Variants in FRAS1 observed in about 807,000 individuals in gnomAD.
FRAS1 encodes the protein Fraser extracellular matrix complex subunit 1, also known as extracellular matrix organizing protein FRAS1.
In FRAS1, 290 loss-of-function variants were observed where a neutral mutation model predicts 435.2. The ratio of observed to expected loss-of-function variants is 0.67; its 90% CI spans 0.61 to 0.73. The LOEUF (loss-of-function observed/expected upper bound fraction) is 0.73. FRAS1 is among the 30% of genes least tolerant of loss of function. The pLI is 0.00. For synonymous variants in FRAS1, 1,800 were observed against 1,851.0 expected, an observed-to-expected ratio of 0.97 and a Z score of 0.71; for missense variants, 4,860 against 5,001.5, an observed-to-expected ratio of 0.97 and a Z score of 0.85.
At position 78,415,128 on chromosome 4, in the gene FRAS1, A is replaced by G. The variant is rs568304614; in HGVS notation, c.4425+2043A>G. Among the ~76,000 whole-genome samples, 104 of 152,352 alleles carry G rather than the reference A, an allele frequency of 6.8e-4. 1 individual carries two copies. The Middle Eastern group carries it at 0.024, about 35-fold the overall frequency. ...CCTCTGAGTCCCCAAAGTCCATTGTATCATTCTTATGCCTTTGCATCCTCA... is the reference window on the plus strand; with the variant it reads ...CCTCTGAGTCCCCAAAGTCCATTGTGTCATTCTTATGCCTTTGCATCCTCA... On this transcript the variant is annotated intron_variant, in intron 32 of 73. Coordinates refer to ENST00000512123, the MANE Select transcript of FRAS1 (RefSeq NM_025074.7).
intron 2 of FRAS1, among the ~76,000 whole-genome samples, chr4:78,115,546 G>T (rs1385900544): frequency 2.0e-5 from 3 of 152,074 alleles, no homozygotes; most frequent in East Asian, 3.9e-4. Context: ...CTTCTTCCTG[G>T]TTTGGTCTTG....
At chr4:78,104,794 T>C (rs1742306300) in intron 2 of FRAS1, among the ~76,000 whole-genome samples, 3 of 152,308 alleles carry the variant, frequency 2.0e-5, no homozygotes, top group African/African-American at 7.2e-5. Context: ...ACTTAATAGA[T>C]ACTTAAGAGC....
At chr4:78,149,962 G>T (rs1324593258) in intron 2 of FRAS1, among the ~76,000 whole-genome samples, 1 of 152,218 alleles carries the variant, frequency 6.6e-6, no homozygotes, top group African/African-American at 2.4e-5. Flanking sequence ...CCAAGAGGCA[G>T]TGGAGCGTGG....
chr4:78,148,348 G>C lies in FRAS1; in HGVS notation c.108+82332G>C, dbSNP rs570665531. Among the ~76,000 whole-genome samples, 7 of 152,228 alleles carry C rather than the reference G, an allele frequency of 4.6e-5. No individual in the cohort carries two copies. The East Asian group carries it at 7.7e-4, about 17-fold the overall frequency. On this transcript the variant is annotated intron_variant, in intron 2 of 73. Coordinates refer to ENST00000512123, the MANE Select transcript of FRAS1 (RefSeq NM_025074.7). ...AGAAGTATTAACTATTGAAGCTTGA[G>C]AAAACAGCCAGTTCTCTGCTCAAAT...
chr4:78,131,521 T>C (rs777475580), intron 2 of FRAS1, among the ~76,000 whole-genome samples: 2 of 152,214 alleles, frequency 1.3e-5, no homozygotes, highest in Non-Finnish European at 2.9e-5. Flanking sequence ...GTGGGAGGAA[T>C]GACTATTGTG....
chr4:78,245,464 T>G, intron 4 of FRAS1, 139 bp downstream of exon 4: 1 of 635,560 alleles, frequency 1.6e-6, no homozygotes, highest in Admixed American at 2.6e-5. Context: ...TGACTTTCTG[T>G]GAGCATTTAG....
intron 9 of FRAS1, among the ~76,000 whole-genome samples, chr4:78,275,674 C>G (rs1291142591): frequency 1.3e-5 from 2 of 152,166 alleles, no homozygotes; most frequent in East Asian, 3.9e-4. Context: ...TAGTTTCTGC[C>G]AAGAGATCAG....
At chr4:78,141,259 T>C (rs1338489586) in intron 2 of FRAS1, among the ~76,000 whole-genome samples, 1 of 152,160 alleles carries the variant, frequency 6.6e-6, no homozygotes, top group Admixed American at 6.5e-5. Context: ...TGTGTTCTCA[T>C]TGTTCAACTT....
chr4:78,428,432 C>T (rs765611062), intron 35 of FRAS1, among the ~76,000 whole-genome samples: 4 of 152,236 alleles, frequency 2.6e-5, no homozygotes, highest in African/African-American at 4.8e-5. Context: ...ACGCCATTCT[C>T]CTCCCTCAGC....
chr4:78,261,512 C>T (rs556277596), intron 6 of FRAS1, among the ~76,000 whole-genome samples: 2 of 152,226 alleles, frequency 1.3e-5, no homozygotes, highest in South Asian at 4.1e-4. Flanking sequence ...GACCTTCCCC[C>T]TGCGCTTCTA....
chr4:78,271,420 C>T (rs1483304413), intron 9 of FRAS1, among the ~76,000 whole-genome samples: 1 of 152,100 alleles, frequency 6.6e-6, no homozygotes, highest in South Asian at 2.1e-4. Flanking sequence ...CCCATTAACT[C>T]GTCATTTAGC....
chr4:78,417,278 C>A lies in FRAS1; in HGVS notation c.4426-1671C>A, dbSNP rs146060709. Among the ~76,000 whole-genome samples the A allele has an allele frequency of 5.3e-5, 8 of 152,160 alleles. No individual in the cohort carries two copies. In the East Asian group the frequency reaches 1.4e-3, roughly 26 times the overall value. On this transcript the variant is annotated intron_variant, in intron 32 of 73. Transcript: ENST00000512123. ...CACAGTGCCATGTCCACAATAATTC[C>A]CTCTTTTTATCACTTTATTATTTTA...
chr4:78,094,703 C>G (rs917215959), intron 2 of FRAS1, among the ~76,000 whole-genome samples: 2 of 152,044 alleles, frequency 1.3e-5, no homozygotes, highest in East Asian at 1.9e-4. Context: ...TTTTCAAGAA[C>G]TTTAATAGAA....
intron 14 of FRAS1, among the ~76,000 whole-genome samples, chr4:78,293,093 T>C (rs1175129492): frequency 6.6e-6 from 1 of 152,186 alleles, no homozygotes; most frequent in Non-Finnish European, 1.5e-5. Context: ...GACAGAAAAC[T>C]TCCCTCTAGT....
At chr4:78,254,096 G>A (rs6854043) in intron 5 of FRAS1, among the ~76,000 whole-genome samples, 92,460 of 151,638 alleles carry the variant, frequency 0.61, 28,363 homozygotes, top group Middle Eastern at 0.7. Flanking sequence ...TGTTCAGCAA[G>A]CCAGAGTCAG....
chr4:78,503,989 G>A (rs531802538), intron 61 of FRAS1, among the ~76,000 whole-genome samples: 2 of 152,280 alleles, frequency 1.3e-5, no homozygotes, highest in South Asian at 4.1e-4. Flanking sequence ...AGTTATTCAG[G>A]AGCAGATTGT....
intron 6 of FRAS1, among the ~76,000 whole-genome samples, chr4:78,261,810 C>T (rs371727315): frequency 1.3e-5 from 2 of 152,094 alleles, no homozygotes; most frequent in Admixed American, 6.6e-5. Flanking sequence ...GTCTTCATTT[C>T]CTTATGAAGG....
intron 14 of FRAS1, among the ~76,000 whole-genome samples, chr4:78,289,611 A>G (rs531885397): frequency 7.9e-5 from 12 of 152,106 alleles, no homozygotes; most frequent in African/African-American, 2.7e-4. Context: ...TTTAACCCCT[A>G]TGTGTCCTTT....
At chr4:78,244,995 G>C (rs1725163487) in intron 3 of FRAS1, among the ~76,000 whole-genome samples, 1 of 152,178 alleles carries the variant, frequency 6.6e-6, no homozygotes, top group Non-Finnish European at 1.5e-5. Flanking sequence ...CATGTGAAAA[G>C]ATGTAGAGTT....
Sources: gnomAD v4.1 joint callset for allele counts (sites outside exome capture counted in the v4.1 genomes callset) on GRCh38, gnomAD v4.1.1 for gene constraint, MANE v1.5 for transcripts, NCBI Gene and HGNC (gene_info 2026-07-23, HGNC 2026-07-21) for gene names.